The following RALY variants were observed in gnomAD, a reference collection of about 807,000 sequenced individuals.
The protein encoded by RALY is RALY heterogeneous nuclear ribonucleoprotein.
Under a neutral mutation model 30.7 loss-of-function variants are expected in RALY, and 15 were observed. That is an observed-to-expected ratio of 0.49 (90% CI 0.33 to 0.75). RALY has a LOEUF of 0.75. RALY is among the 30% of genes least tolerant of loss of function. The probability of loss-of-function intolerance (pLI) is 0.02; values close to 1 mark genes in which losing one functional copy is unlikely to be tolerated. For synonymous variants in RALY, 177 were observed against 170.8 expected, an observed-to-expected ratio of 1.04 and a Z score of -0.28; for missense variants, 339 against 414.3, an observed-to-expected ratio of 0.82 and a Z score of 1.58.
chr20:34,063,231 T>C (rs1174784640), intron 2 of RALY, among the ~76,000 whole-genome samples: 1 of 152,224 alleles, frequency 6.6e-6, no homozygotes, highest in Non-Finnish European at 1.5e-5. Flanking sequence ...GTATTGATGA[T>C]GGTTATCATG....
At chr20:34,022,346 G>A (rs1404934697) in intron 1 of RALY, among the ~76,000 whole-genome samples, 4 of 152,062 alleles carry the variant, frequency 2.6e-5, no homozygotes, top group Non-Finnish European at 5.9e-5. Flanking sequence ...AGTATGAGTT[G>A]AGAAGTTGGG....
intron 2 of RALY, among the ~76,000 whole-genome samples, chr20:34,067,816 C>T (rs73090656): frequency 1.6e-4 from 21 of 132,668 alleles, no homozygotes; most frequent in African/African-American, 2.6e-4. Context: ...TTTCTTTTTT[C>T]TTTTTTTTTT....
intron 2 of RALY, among the ~76,000 whole-genome samples, chr20:34,053,887 A>G (rs2033159262): frequency 6.6e-6 from 1 of 152,096 alleles, no homozygotes; most frequent in Non-Finnish European, 1.5e-5. Flanking sequence ...GCTGACAAGG[A>G]TGGCATTTTC....
intron 9 of RALY, 90 bp from the exon 10 acceptor site, chr20:34,079,820 A>G (rs1408795013): frequency 6.6e-6 from 1 of 152,298 alleles, no homozygotes; most frequent in Non-Finnish European, 1.5e-5. Flanking sequence ...TCCAGACATC[A>G]TTCCACCCTT....
intron 2 of RALY, among the ~76,000 whole-genome samples, chr20:34,047,429 C>T (rs753262056): frequency 6.6e-6 from 1 of 152,164 alleles, no homozygotes; most frequent in Non-Finnish European, 1.5e-5. Flanking sequence ...GGATTGCCAG[C>T]TCCATTGAAT....
intron 2 of RALY, among the ~76,000 whole-genome samples, chr20:34,036,322 A>G (rs573544972): frequency 3.3e-5 from 5 of 152,262 alleles, no homozygotes; most frequent in East Asian, 3.9e-4. Flanking sequence ...TTCATTATGG[A>G]TGACTGTTGG....
intron 2 of RALY, among the ~76,000 whole-genome samples, chr20:34,061,202 CT>C (rs2033405980): frequency 6.6e-6 from 1 of 152,094 alleles, no homozygotes; most frequent in African/African-American, 2.4e-5. Context: ...CCCATTAAGC[CT>C]AGATTGTCTT....
chr20:34,007,593 G>A (rs1195968425), intron 1 of RALY, among the ~76,000 whole-genome samples: 3 of 151,872 alleles, frequency 2.0e-5, no homozygotes, highest in Admixed American at 1.3e-4. Flanking sequence ...GCCAAGGAGG[G>A]TGGATCACCT....
intron 1 of RALY, among the ~76,000 whole-genome samples, chr20:34,030,510 T>C (rs2032227076): frequency 6.6e-6 from 1 of 152,328 alleles, no homozygotes; most frequent in African/African-American, 2.4e-5. Flanking sequence ...CACAGAAATG[T>C]GAAATAAATC....
chr20:34,018,261 A>G (rs2031682093), intron 1 of RALY, among the ~76,000 whole-genome samples: 1 of 152,218 alleles, frequency 6.6e-6, no homozygotes, highest in Non-Finnish European at 1.5e-5. Context: ...AGATTGATTT[A>G]TTAGCAAGTA....
intron 1 of RALY, among the ~76,000 whole-genome samples, chr20:34,014,440 G>A (rs1185972940): frequency 6.6e-6 from 1 of 152,114 alleles, no homozygotes; most frequent in Admixed American, 6.6e-5. Context: ...ATAATTCTGC[G>A]GGTAAACGTG....
Position 34,077,137 on chromosome 20 carries a change from A to T in RALY, c.768A>T (p.Pro256=). The T allele has an allele frequency of 1.2e-6, 2 of 1,611,526 alleles. No individual in the cohort carries two copies. Among genetic ancestry groups the T allele is most frequent in the South Asian group, 2.2e-5 (2 of 90,970 alleles). The change falls in exon 8 of 10, where the codon CCA becomes CCT. Residue 256 remains proline, a synonymous_variant. Transcript: ENST00000246194. ...GTGGCGGTGGCAGCAGCCGGCCACC[A>T]GCCCCCCAAGAGAACACAACTTCTG... is the stretch of plus-strand genomic sequence containing the variant. ...GGGGGGSSRP[P]APQENTTSEA... is the part of the protein sequence containing the mutation.
chr20:34,052,108 AATTGTGTCTTCCTCAG>A (rs2033097609), intron 2 of RALY, among the ~76,000 whole-genome samples: 1 of 152,152 alleles, frequency 6.6e-6, no homozygotes, highest in South Asian at 2.1e-4. Flanking sequence ...GTCTTCCTCA[AATTGTGTCTTCCTCAG>A]AAGAGATGTT....
chr20:34,008,304 A>G (rs2031252367), intron 1 of RALY, among the ~76,000 whole-genome samples: 1 of 152,320 alleles, frequency 6.6e-6, no homozygotes, highest in African/African-American at 2.4e-5. Flanking sequence ...GGGAACATAG[A>G]ATAATGATGG....
At chr20:34,029,918 C>T (rs2032205835) in intron 1 of RALY, 2 of 152,166 alleles carry the variant, frequency 1.3e-5, no homozygotes. Context: ...AGTCTGTTTC[C>T]AACTGTGCGG....
chr20:34,053,767 C>T (rs942055400), intron 2 of RALY, among the ~76,000 whole-genome samples: 73 of 152,070 alleles, frequency 4.8e-4, no homozygotes, highest in African/African-American at 1.6e-3. Context: ...AACTCTTTGC[C>T]CAGTATTCTT....
In RALY at chr20:34,014,148, C is replaced by T. The variant is rs573894606; in HGVS notation, c.-92-17374C>T. ...CATGCCTCAGAACACATGAGTAGCC[C>T]GTACTAGATCTTGGGAACGTGGATC... On this transcript the variant is annotated intron_variant, in intron 1 of 9. Coordinates refer to ENST00000246194, the MANE Select transcript of RALY (RefSeq NM_016732.3). Among the ~76,000 whole-genome samples the T allele has an allele frequency of 4.6e-5, 7 of 152,192 alleles. No homozygotes were observed. The East Asian group carries it at 7.7e-4, about 17-fold the overall frequency.
chr20:34,065,001 T>A (rs1373929996), intron 2 of RALY: 1 of 152,218 alleles, frequency 6.6e-6, no homozygotes, highest in Non-Finnish European at 1.5e-5. Flanking sequence ...CTATTTCATG[T>A]GCATTTGTCC....
At chr20:34,064,258 G>A (rs1190257870) in intron 2 of RALY, among the ~76,000 whole-genome samples, 1 of 152,136 alleles carries the variant, frequency 6.6e-6, no homozygotes, top group East Asian at 1.9e-4. Flanking sequence ...TGTCGCAGAT[G>A]GTAAGCCTCA....
Sources: allele counts gnomAD v4.1 joint callset (sites outside exome capture counted in the v4.1 genomes callset), GRCh38; gene constraint gnomAD v4.1.1; transcripts MANE v1.5; gene names NCBI Gene and HGNC (gene_info 2026-07-23, HGNC 2026-07-21).